The following SLC5A12 variants were observed in gnomAD, a reference collection of about 807,000 sequenced individuals.
SLC5A12 encodes solute carrier family 5 member 12, also known as sodium-coupled monocarboxylate transporter 2.
In SLC5A12, 46 loss-of-function variants were observed where a neutral mutation model predicts 72.7. That is an observed-to-expected ratio of 0.63 (90% confidence interval 0.50 to 0.81). The LOEUF (loss-of-function observed/expected upper bound fraction) is 0.81, where lower values mean the gene tolerates loss of function less well. SLC5A12 is among the 30% of genes least tolerant of loss of function. The pLI is 0.00. For synonymous variants in SLC5A12, 275 were observed against 264.4 expected (o/e 1.04, Z -0.39); for missense variants, 683 against 740.7 (o/e 0.92, Z 0.90).
chr11:26,673,777 T>A (rs1460557107), intron 13 of SLC5A12, among the ~76,000 whole-genome samples: 1 of 152,190 alleles, frequency 6.6e-6, no homozygotes, highest in African/African-American at 2.4e-5. Context: ...TATTTATTTT[T>A]AAATATCTAT....
intron 4 of SLC5A12, among the ~76,000 whole-genome samples, chr11:26,706,019 A>C (rs1590733751): frequency 6.6e-6 from 1 of 151,720 alleles, no homozygotes; most frequent in Admixed American, 6.6e-5. Flanking sequence ...TGTGTCACCC[A>C]CATATTTAAT....
chr11:26,707,072 C>A (rs1855106792), intron 4 of SLC5A12, among the ~76,000 whole-genome samples: 1 of 151,806 alleles, frequency 6.6e-6, no homozygotes, highest in South Asian at 2.1e-4. Flanking sequence ...TGGTTCTTGA[C>A]ATTCAACTCC....
intron 3 of SLC5A12, 133 bp downstream of exon 3, chr11:26,711,174 A>G: frequency 1.5e-6 from 1 of 687,058 alleles, no homozygotes; most frequent in Non-Finnish European, 2.5e-6. Context: ...TTATGTAATG[A>G]CTTCTAATAG....
chr11:26,689,617 A>G (rs1483319203), intron 9 of SLC5A12, among the ~76,000 whole-genome samples: 2 of 152,176 alleles, frequency 1.3e-5, no homozygotes, highest in Non-Finnish European at 2.9e-5. Flanking sequence ...GCATTCGTCA[A>G]TACTCAAGAA....
Position 26,667,563 on chromosome 11 carries a change from T to G in SLC5A12, c.*3539A>C, listed in dbSNP as rs752183851. On this transcript the variant is annotated 3_prime_UTR_variant, in exon 15 of 15. Transcript: ENST00000396005. Reference sequence around the variant, plus strand: ...CTGTTGCTATTTTGAGAGTCATAGTTGCTTTGAACTGTGCAATGAGTAATA... The same window carrying G: ...CTGTTGCTATTTTGAGAGTCATAGTGGCTTTGAACTGTGCAATGAGTAATA... 9 of 151,994 alleles carry G rather than the reference T, an allele frequency of 5.9e-5. No individual in the cohort carries two copies. The highest frequency in any genetic ancestry group is 1.2e-4 in the Non-Finnish European group (8 of 67,912). The allele number at this position is 151,994 out of a possible 1,614,324, so 9.4% of individuals were successfully genotyped here.
chr11:26,718,844 G>A lies in SLC5A12; in HGVS notation c.339+2532C>T, dbSNP rs182380732. ...AATGCCAATTTTTATAAAGCAAGAG[G>A]TAATCCCAAAATAACCTTATATCTA... On this transcript the variant is annotated intron_variant, in intron 1 of 14. Transcript: ENST00000396005. Among the ~76,000 whole-genome samples the A allele has an allele frequency of 1.4e-3, 217 of 152,170 alleles. 2 individuals are homozygous for A. Among genetic ancestry groups the A allele is most frequent in the African/African-American group, 4.9e-3 (204 of 41,516 alleles).
rs187608714 is a variant in SLC5A12 at position 26,675,004 on chromosome 11, C to T, written c.1580-1475G>A. On this transcript the variant is annotated intron_variant, in intron 13 of 14. Coordinates refer to ENST00000396005, the MANE Select transcript of SLC5A12 (RefSeq NM_178498.4). Reference sequence around the variant, plus strand: ...ACATATGTGATCTCACACTCTGTAACGCTCCATTTGCCTTAATGTGTGCGT... The same window carrying T: ...ACATATGTGATCTCACACTCTGTAATGCTCCATTTGCCTTAATGTGTGCGT... Among the ~76,000 whole-genome samples the T allele has an allele frequency of 4.7e-4, 71 of 152,270 alleles. 1 individual carries two copies. In the East Asian group the frequency reaches 0.011, roughly 24 times the overall value.
At chr11:26,681,763 T>C (rs951790118) in intron 11 of SLC5A12, among the ~76,000 whole-genome samples, 2 of 152,090 alleles carry the variant, frequency 1.3e-5, no homozygotes, top group Admixed American at 6.6e-5. Flanking sequence ...TAGTGAAAAG[T>C]CAAAGAATCA....
At chr11:26,671,502 A>C (rs79718155) in intron 14 of SLC5A12, among the ~76,000 whole-genome samples, 11,021 of 152,212 alleles carry the variant, frequency 0.072, 601 homozygotes, top group South Asian at 0.15. Flanking sequence ...TTGCATGAAG[A>C]AATTTATATA....
intron 13 of SLC5A12, among the ~76,000 whole-genome samples, chr11:26,675,686 C>T (rs1218939820): frequency 3.3e-5 from 5 of 152,222 alleles, no homozygotes; most frequent in Non-Finnish European, 5.9e-5. Flanking sequence ...TCCCCTTCCT[C>T]TGAGCAGAAC....
chr11:26,685,363 T>A (rs1468220598), intron 10 of SLC5A12, among the ~76,000 whole-genome samples: 1 of 152,182 alleles, frequency 6.6e-6, no homozygotes, highest in Non-Finnish European at 1.5e-5. Context: ...GGCTCACATC[T>A]GTAATCCCAG....
rs543379159 is a variant in SLC5A12 at position 26,686,435 on chromosome 11, A to T, written c.1221+42T>A. The stretch of plus-strand genomic sequence containing the variant: ...AAGACATTAAAAGAGAGTGGGGGGA[A>T]GTTCCAGTGAAACCAAATGTGTCTT... On this transcript the variant is annotated intron_variant, in intron 10 of 14. Coordinates refer to ENST00000396005, the MANE Select transcript of SLC5A12 (RefSeq NM_178498.4). 26 of 1,578,732 alleles carry T rather than the reference A, an allele frequency of 1.6e-5. No homozygotes were observed. In the Admixed American group the frequency reaches 3.0e-4, roughly 18 times the overall value.
At chr11:26,694,236 C>T (rs1424897258) in intron 8 of SLC5A12, among the ~76,000 whole-genome samples, 1 of 152,140 alleles carries the variant, frequency 6.6e-6, no homozygotes, top group Non-Finnish European at 1.5e-5. Flanking sequence ...CTGTCTTTTC[C>T]TTTCTCTATC....
intron 3 of SLC5A12, among the ~76,000 whole-genome samples, chr11:26,709,674 T>G (rs1353631345): frequency 1.3e-5 from 2 of 152,094 alleles, no homozygotes; most frequent in East Asian, 3.9e-4. Context: ...TTTCTGTTTT[T>G]CTCAACAAAG....
At chr11:26,697,057 A>G in intron 8 of SLC5A12, 107 bp downstream of exon 8, 1 of 877,538 alleles carries the variant, frequency 1.1e-6, no homozygotes, top group African/African-American at 1.7e-5. Context: ...CACATTCAGA[A>G]GGTCAGTTTA....
At position 26,714,104 on chromosome 11, in the gene SLC5A12, C is replaced by T. The variant is rs533274899; in HGVS notation, c.340-1398G>A. On this transcript the variant is annotated intron_variant, in intron 1 of 14. Coordinates refer to ENST00000396005, the MANE Select transcript of SLC5A12 (RefSeq NM_178498.4). Reference sequence around the variant, plus strand: ...ACATTTGCAGTAATCCCTTTCAAAACGAACAAAAAAAAACATGTAAAGTAA... The same window carrying T: ...ACATTTGCAGTAATCCCTTTCAAAATGAACAAAAAAAAACATGTAAAGTAA... 3.7e-3 allele frequency among the ~76,000 whole-genome samples: 205 copies of T among 55,562 alleles called. 1 individual carries two copies. The highest frequency in any genetic ancestry group is 5.2e-3 in the African/African-American group (188 of 36,488). The allele number at this position is 55,562 out of a possible 152,430, so 36.5% of individuals were successfully genotyped here.
intron 14 of SLC5A12, among the ~76,000 whole-genome samples, chr11:26,672,620 C>T (rs570268767): frequency 6.6e-6 from 1 of 152,072 alleles, no homozygotes; most frequent in Non-Finnish European, 1.5e-5. Context: ...GTTCTTCCTC[C>T]CTCTTGTTGA....
intron 4 of SLC5A12, among the ~76,000 whole-genome samples, chr11:26,706,483 G>A (rs1258240227): frequency 6.6e-6 from 1 of 151,952 alleles, no homozygotes; most frequent in Non-Finnish European, 1.5e-5. Flanking sequence ...ATATCTGGAT[G>A]TTTCTGATGT....
At chr11:26,677,522 T>C (rs1854293212) in intron 13 of SLC5A12, among the ~76,000 whole-genome samples, 1 of 152,160 alleles carries the variant, frequency 6.6e-6, no homozygotes, top group Non-Finnish European at 1.5e-5. Flanking sequence ...TATATCCCAC[T>C]AGCATCAAGG....
Sources: allele counts gnomAD v4.1 joint callset (sites outside exome capture counted in the v4.1 genomes callset), GRCh38; gene constraint gnomAD v4.1.1; transcripts MANE v1.5; gene names NCBI Gene and HGNC (gene_info 2026-07-23, HGNC 2026-07-21).